Variants in CSMD3 observed in about 807,000 individuals in gnomAD.
The protein encoded by CSMD3 is CUB and sushi domain-containing protein 3.
CSMD3 carries 177 observed loss-of-function variants against 435.2 expected under a neutral mutation model. The ratio of observed to expected loss-of-function variants is 0.41; its 90% CI spans 0.36 to 0.46. The LOEUF is 0.46. Among genes scored for constraint, CSMD3 ranks in the 20% least tolerant of loss-of-function variants. The pLI is 0.34. For synonymous variants in CSMD3, 1,656 were observed against 1,520.5 expected (o/e 1.09, Z -2.07); for missense variants, 4,265 against 4,504.6 (o/e 0.95, Z 1.52).
chr8:112,430,896 A>ATGTGTGTGTGTG (rs61496543), intron 32 of CSMD3, among the ~76,000 whole-genome samples: 168 of 148,688 alleles, frequency 1.1e-3, no homozygotes, highest in African/African-American at 4.0e-3. Flanking sequence ...TTGTGTGTAT[A>ATGTGTGTGTGTG]TGTGTGTGTG....
chr8:112,708,863 A>G (rs1175998830), intron 13 of CSMD3, among the ~76,000 whole-genome samples: 4 of 152,062 alleles, frequency 2.6e-5, no homozygotes, highest in East Asian at 1.9e-4. Context: ...CAATCAAGAA[A>G]GCCAAATGTG....
chr8:112,848,949 T>C (rs1364866689), intron 11 of CSMD3, among the ~76,000 whole-genome samples: 2 of 152,140 alleles, frequency 1.3e-5, no homozygotes, highest in African/African-American at 4.8e-5. Flanking sequence ...CTCTAAATTT[T>C]AAGATCCACA....
intron 3 of CSMD3, among the ~76,000 whole-genome samples, chr8:113,247,255 A>G (rs1475608606): frequency 2.0e-5 from 3 of 152,260 alleles, no homozygotes. Context: ...CTTCCCACTG[A>G]GCAGTTCTGG....
At chr8:113,246,206 T>C (rs1262960111) in intron 3 of CSMD3, among the ~76,000 whole-genome samples, 9 of 152,014 alleles carry the variant, frequency 5.9e-5, no homozygotes, top group Non-Finnish European at 7.4e-5. Flanking sequence ...AGTCCCGTTA[T>C]GGTCCATGTT....
intron 60 of CSMD3, among the ~76,000 whole-genome samples, chr8:112,264,528 G>C (rs981999792): frequency 2.1e-4 from 32 of 151,934 alleles, no homozygotes; most frequent in Non-Finnish European, 4.4e-4. Flanking sequence ...TTACAGTTGA[G>C]TAATATCTAA....
At chr8:112,878,238 C>T (rs2081345376) in intron 10 of CSMD3, among the ~76,000 whole-genome samples, 1 of 152,106 alleles carries the variant, frequency 6.6e-6, no homozygotes, top group Non-Finnish European at 1.5e-5. Context: ...CAAACAACCT[C>T]ATCAAAAATT....
At chr8:113,151,699 A>G (rs2091809533) in intron 4 of CSMD3, among the ~76,000 whole-genome samples, 1 of 152,034 alleles carries the variant, frequency 6.6e-6, no homozygotes, top group African/African-American at 2.4e-5. Flanking sequence ...ATAGAATCAA[A>G]CAATGTTCTT....
intron 1 of CSMD3, among the ~76,000 whole-genome samples, chr8:113,388,390 T>A (rs1239319241): frequency 6.6e-6 from 1 of 151,480 alleles, no homozygotes; most frequent in Non-Finnish European, 1.5e-5. Flanking sequence ...ATTGTGGTAC[T>A]ATCTCCTGAA....
intron 22 of CSMD3, among the ~76,000 whole-genome samples, chr8:112,632,895 T>G (rs2074557133): frequency 6.6e-6 from 1 of 151,950 alleles, no homozygotes; most frequent in Admixed American, 6.6e-5. Context: ...TGATCAGATA[T>G]TCATTCCTGA....
At chr8:112,428,765 T>C (rs1044458757) in intron 32 of CSMD3, among the ~76,000 whole-genome samples, 2 of 152,112 alleles carry the variant, frequency 1.3e-5, no homozygotes, top group African/African-American at 4.8e-5. Flanking sequence ...ATAAGGCTCA[T>C]CTGTTCCGTG....
chr8:113,223,527 A>G (rs927041291), intron 3 of CSMD3, among the ~76,000 whole-genome samples: 1 of 150,374 alleles, frequency 6.7e-6, no homozygotes, highest in Non-Finnish European at 1.5e-5. Context: ...GCAATAATAT[A>G]TATTAGCCTT....
intron 41 of CSMD3, among the ~76,000 whole-genome samples, chr8:112,344,620 C>A (rs187958464): frequency 6.6e-6 from 1 of 152,228 alleles, no homozygotes; most frequent in Non-Finnish European, 1.5e-5. Context: ...AGTATCTATT[C>A]ATCCTAGTCT....
At chr8:112,470,233 T>C (rs1818383713) in intron 32 of CSMD3, among the ~76,000 whole-genome samples, 1 of 152,214 alleles carries the variant, frequency 6.6e-6, no homozygotes, top group Non-Finnish European at 1.5e-5. Flanking sequence ...ATAATTGTTT[T>C]ATTTTAACCA....
chr8:113,334,536 T>C (rs1250396225), intron 1 of CSMD3, among the ~76,000 whole-genome samples: 1 of 152,014 alleles, frequency 6.6e-6, no homozygotes, highest in East Asian at 1.9e-4. Flanking sequence ...TCAGCTTTCT[T>C]TTATGTACTG....
intron 23 of CSMD3, among the ~76,000 whole-genome samples, chr8:112,578,832 A>G (rs748297676): frequency 5.9e-5 from 9 of 152,010 alleles, no homozygotes; most frequent in African/African-American, 9.7e-5. Flanking sequence ...CTTTCTCCCA[A>G]TAAAATTTTA....
intron 9 of CSMD3, among the ~76,000 whole-genome samples, chr8:112,935,985 G>A (rs2083270984): frequency 6.6e-6 from 1 of 151,982 alleles, no homozygotes; most frequent in Non-Finnish European, 1.5e-5. Context: ...ATATGCCTTG[G>A]AATAAAATCT....
chr8:112,458,432 G>A (rs1391770438), intron 32 of CSMD3, among the ~76,000 whole-genome samples: 1 of 152,106 alleles, frequency 6.6e-6, no homozygotes, highest in Non-Finnish European at 1.5e-5. Context: ...ATAAAGAAAT[G>A]TCTCTAGAGT....
At chr8:113,058,824 T>C (rs1374677676) in intron 5 of CSMD3, among the ~76,000 whole-genome samples, 1 of 146,106 alleles carries the variant, frequency 6.8e-6, no homozygotes, top group South Asian at 2.1e-4. Context: ...TTTTACTCTA[T>C]AGTTAGTTTT....
At chr8:112,878,533 A>G (rs948033055) in intron 10 of CSMD3, among the ~76,000 whole-genome samples, 2 of 152,158 alleles carry the variant, frequency 1.3e-5, no homozygotes, top group East Asian at 3.9e-4. Context: ...CTAGAACCAG[A>G]AATACCATTT....
Sources: gnomAD v4.1 joint callset for allele counts (sites outside exome capture counted in the v4.1 genomes callset) on GRCh38, gnomAD v4.1.1 for gene constraint, MANE v1.5 for transcripts, NCBI Gene and HGNC (gene_info 2026-07-23, HGNC 2026-07-21) for gene names.